The following LRRC75A variants were observed in gnomAD, a reference collection of about 807,000 sequenced individuals.
LRRC75A encodes the protein leucine-rich repeat-containing protein 75A.
A neutral mutation model predicts 26.0 loss-of-function variants in LRRC75A; 12 were observed. The observed-to-expected ratio is 0.46, with a 90% CI of 0.30 to 0.75. LRRC75A has a LOEUF of 0.75. Among genes scored for constraint, LRRC75A ranks in the 30% least tolerant of loss-of-function variants. LRRC75A has a pLI of 0.08. For synonymous variants in LRRC75A, 223 were observed against 219.3 expected (o/e 1.02, Z -0.15); for missense variants, 410 against 486.6 (o/e 0.84, Z 1.48).
chr17:16,470,403 C>A (rs767338949), intron 1 of LRRC75A: 2 of 152,146 alleles, frequency 1.3e-5, no homozygotes, highest in Non-Finnish European at 2.9e-5. Context: ...ATCGAAACCA[C>A]CGGGACCCGC....
At chr17:16,468,200 T>A (rs2093783814) in intron 1 of LRRC75A, among the ~76,000 whole-genome samples, 1 of 152,208 alleles carries the variant, frequency 6.6e-6, no homozygotes, top group Non-Finnish European at 1.5e-5. Context: ...GATCCAGCAA[T>A]TCCACTCTTG....
chr17:16,474,476 T>C (rs995231149), intron 1 of LRRC75A, among the ~76,000 whole-genome samples: 2 of 152,192 alleles, frequency 1.3e-5, no homozygotes, highest in African/African-American at 2.4e-5. Flanking sequence ...CCAGGACCTC[T>C]TGTGGGACTC....
chr17:16,446,532 T>C (rs913305394), intron 3 of LRRC75A, among the ~76,000 whole-genome samples: 5 of 152,020 alleles, frequency 3.3e-5, no homozygotes, highest in African/African-American at 1.2e-4. Context: ...GGAAGGCCAG[T>C]GTGGCTGGGG....
At chr17:16,469,661 C>A (rs754342197) in intron 1 of LRRC75A, among the ~76,000 whole-genome samples, 1 of 152,208 alleles carries the variant, frequency 6.6e-6, no homozygotes, top group Non-Finnish European at 1.5e-5. Context: ...ACATCTTCAC[C>A]CACTTCATGG....
intron 2 of LRRC75A, among the ~76,000 whole-genome samples, chr17:16,460,471 G>A (rs1460366771): frequency 1.3e-5 from 2 of 152,098 alleles, no homozygotes; most frequent in South Asian, 2.1e-4. Flanking sequence ...CTGAGAGGGT[G>A]GGTCCTTCTC....
chr17:16,469,401 C>G (rs2093793464), intron 1 of LRRC75A, among the ~76,000 whole-genome samples: 1 of 152,160 alleles, frequency 6.6e-6, no homozygotes, highest in South Asian at 2.1e-4. Flanking sequence ...TGCTGTAGAT[C>G]ATTTTCAGAG....
At chr17:16,478,088 C>A (rs1414749898) in intron 1 of LRRC75A, among the ~76,000 whole-genome samples, 1 of 151,458 alleles carries the variant, frequency 6.6e-6, no homozygotes, top group Admixed American at 6.6e-5. Flanking sequence ...TCCCTCAGAG[C>A]ATGGCCCAGG....
intron 2 of LRRC75A, among the ~76,000 whole-genome samples, chr17:16,459,401 TCAGA>T (rs1169398558): frequency 6.6e-6 from 1 of 152,076 alleles, no homozygotes; most frequent in Non-Finnish European, 1.5e-5. Context: ...AGAAGGCAAC[TCAGA>T]CAGAAGAGGC....
chr17:16,444,166 A>G (rs1439121834), intron 3 of LRRC75A, 35 bp from the exon 4 acceptor site: 1 of 1,526,478 alleles, frequency 6.6e-7, no homozygotes, highest in African/African-American at 1.4e-5. Flanking sequence ...GCTCAGGCAC[A>G]TAGGGCAGGC....
At chr17:16,487,560 T>C (rs1429705794) in intron 1 of LRRC75A, among the ~76,000 whole-genome samples, 1 of 152,204 alleles carries the variant, frequency 6.6e-6, no homozygotes, top group Non-Finnish European at 1.5e-5. Flanking sequence ...TACCTCAGTC[T>C]CCCAAGTAGC....
At chr17:16,490,770 A>T (rs2093855605) in intron 1 of LRRC75A, among the ~76,000 whole-genome samples, 1 of 152,088 alleles carries the variant, frequency 6.6e-6, no homozygotes. Flanking sequence ...GGTAGACTCC[A>T]CCTCTAATGG....
In LRRC75A at chr17:16,476,756, TG is replaced by T. The variant is rs1385158945; in HGVS notation, c.247-14371del. ...GATTTTTTTTTTTTTTTTTTTTTTT[TG>T]AGACAGAGTCTTGCTCTATCACCCA... On this transcript the variant is annotated intron_variant, in intron 1 of 3. Transcript: ENST00000470794. 8.8e-4 allele frequency among the ~76,000 whole-genome samples: 75 copies of T among 84,786 alleles called. 1 individual carries two copies. The highest frequency in any genetic ancestry group is 7.2e-3 in the Middle Eastern group (1 of 138). 55.6% of individuals were successfully genotyped at this position (84,786 alleles called of 152,430 possible).
At chr17:16,470,824 A>G (rs1220407268) in intron 1 of LRRC75A, among the ~76,000 whole-genome samples, 1 of 152,220 alleles carries the variant, frequency 6.6e-6, no homozygotes, top group Non-Finnish European at 1.5e-5. Flanking sequence ...ACAGAAATGT[A>G]TTCTCTCATA....
chr17:16,452,466 C>A (rs2093640752), intron 2 of LRRC75A, among the ~76,000 whole-genome samples: 1 of 150,930 alleles, frequency 6.6e-6, no homozygotes, highest in Admixed American at 6.6e-5. Context: ...GAGATGGAGT[C>A]TCACTCTGTT....
At chr17:16,485,244 T>C (rs541163901) in intron 1 of LRRC75A, among the ~76,000 whole-genome samples, 4 of 152,288 alleles carry the variant, frequency 2.6e-5, no homozygotes, top group East Asian at 1.9e-4. Flanking sequence ...TGCTGAAAGT[T>C]TGCGTCCCCT....
chr17:16,462,447 C>T lies in LRRC75A; in HGVS notation c.247-61G>A. 1.9e-6 allele frequency: 3 copies of T among 1,604,702 alleles called. No homozygotes were observed. Among genetic ancestry groups the T allele is most frequent in the Non-Finnish European group, 2.5e-6 (3 of 1,177,116 alleles). On this transcript the variant is annotated intron_variant, in intron 1 of 3. Transcript: ENST00000470794. The surrounding 1 kb of genome is among the most constrained non-coding windows in gnomAD (Gnocchi z 4.6). ...GCTGCCCACCCAGCTCGCCCACCAT[C>T]CCCAAGAGAAGTAGGCACAGACCCC... is the stretch of plus-strand genomic sequence containing the variant.
rs1165403554 is a variant in LRRC75A at position 16,442,578 on chromosome 17, C to G, written c.*1010G>C. ...TCCTTTGGGAGCCTCCAGTTTGTTTCTCCCTCTCCCCAGCCATCTTGTTGG... is the reference window on the plus strand; with the variant it reads ...TCCTTTGGGAGCCTCCAGTTTGTTTGTCCCTCTCCCCAGCCATCTTGTTGG... On this transcript the variant is annotated 3_prime_UTR_variant, in exon 4 of 4. Transcript: ENST00000470794. 6.6e-6 allele frequency: 1 copy of G among 152,270 alleles called. No individual in the cohort carries two copies. The highest frequency in any genetic ancestry group is 1.5e-5 in the Non-Finnish European group (1 of 68,074). 9.4% of individuals were successfully genotyped at this position (152,270 alleles called of 1,614,324 possible).
At position 16,443,676 on chromosome 17, in the gene LRRC75A, A is replaced by G. The variant is rs2093553879; in HGVS notation, c.947T>C (p.Val316Ala). The G allele has an allele frequency of 3.8e-6, 6 of 1,594,238 alleles. No individual in the cohort carries two copies. In the East Asian group the frequency reaches 1.4e-4, roughly 37 times the overall value. ...GCCCCCTCCAGGGTCCTCCTGGCCT[A>G]CTGTCCCTTCCCGGACCTCCTCCCC... ...GSGEEVREGT[V>A]GQEDPGGGPV... Residue 316 changes from valine (V) to alanine (A), a missense_variant, in exon 4 of 4, where the codon GTA becomes GCA. By Grantham distance (64) the Val-to-Ala change is moderately conservative. Transcript: ENST00000470794.
intron 1 of LRRC75A, among the ~76,000 whole-genome samples, chr17:16,487,350 G>A (rs2093849164): frequency 1.3e-5 from 2 of 152,230 alleles, no homozygotes; most frequent in South Asian, 4.1e-4. Flanking sequence ...AGGTCATTAT[G>A]CTCATCTTTC....
Sources: gnomAD v4.1 joint callset for allele counts (sites outside exome capture counted in the v4.1 genomes callset) on GRCh38, gnomAD v4.1.1 for gene constraint, Gnocchi (gnomAD v3.1) non-coding constraint, MANE v1.5 for transcripts, NCBI Gene and HGNC (gene_info 2026-07-23, HGNC 2026-07-21) for gene names.